Variants in PHLPP1 observed in about 807,000 individuals in gnomAD.
PHLPP1 encodes the protein PH domain and leucine rich repeat protein phosphatase 1, also known as PH domain leucine-rich repeat-containing protein phosphatase 1.
PHLPP1 carries 42 observed loss-of-function variants against 117.2 expected under a neutral mutation model. The observed-to-expected ratio is 0.36, with a 90% confidence interval of 0.28 to 0.46. The LOEUF (loss-of-function observed/expected upper bound fraction) is 0.46, where lower values mean the gene tolerates loss of function less well. Ranked by LOEUF, PHLPP1 falls within the 20% of genes least tolerant of loss-of-function variation. The pLI is 1.00. For missense variants in PHLPP1, 2,084 were observed against 2,241.9 expected (o/e 0.93, Z 1.42); for synonymous variants, 1,042 against 970.7 (o/e 1.07, Z -1.37).
At chr18:62,881,603 T>C (rs577204005) in intron 4 of PHLPP1, among the ~76,000 whole-genome samples, 1 of 152,286 alleles carries the variant, frequency 6.6e-6, no homozygotes, top group East Asian at 1.9e-4. Context: ...TCAGATAGGA[T>C]GATTTGTTTA....
chr18:62,953,997 A>G (rs1910543421), intron 12 of PHLPP1, among the ~76,000 whole-genome samples: 1 of 152,228 alleles, frequency 6.6e-6, no homozygotes, highest in Non-Finnish European at 1.5e-5. Flanking sequence ...TTTCTTTGGT[A>G]ATGTTCTGAG....
At chr18:62,803,840 C>A (rs1246574699) in intron 1 of PHLPP1, among the ~76,000 whole-genome samples, 1 of 152,144 alleles carries the variant, frequency 6.6e-6, no homozygotes, top group African/African-American at 2.4e-5. Flanking sequence ...GCTTCACATC[C>A]TTGTCAACGT....
intron 1 of PHLPP1, among the ~76,000 whole-genome samples, chr18:62,726,143 T>G (rs1717438644): frequency 2.6e-5 from 4 of 152,066 alleles, no homozygotes; most frequent in Admixed American, 2.6e-4. Context: ...CACACGCATG[T>G]TCTCCATTGA....
At chr18:62,799,462 G>A (rs1689482962) in intron 1 of PHLPP1, among the ~76,000 whole-genome samples, 1 of 152,116 alleles carries the variant, frequency 6.6e-6, no homozygotes, top group Non-Finnish European at 1.5e-5. Flanking sequence ...AGAAAATTTT[G>A]AAGCTAGAAA....
At chr18:62,916,605 G>GGGGTGT (rs1555681660) in intron 9 of PHLPP1, among the ~76,000 whole-genome samples, 2 of 145,768 alleles carry the variant, frequency 1.4e-5, no homozygotes, top group Non-Finnish European at 3.0e-5. Flanking sequence ...CAAGAGGGTG[G>GGGGTGT]GTGTGTGTGT....
intron 1 of PHLPP1, among the ~76,000 whole-genome samples, chr18:62,821,365 A>G (rs1041057513): frequency 2.6e-5 from 4 of 152,118 alleles, no homozygotes; most frequent in Non-Finnish European, 2.9e-5. Context: ...CCTGAGGAAC[A>G]TGGCGAAACC....
At chr18:62,848,455 A>ATTTTTTTT (rs56223512) in intron 3 of PHLPP1, among the ~76,000 whole-genome samples, 9 of 88,548 alleles carry the variant, frequency 1.0e-4, no homozygotes, top group Non-Finnish European at 1.4e-4. Flanking sequence ...TTTTTTGTTG[A>ATTTTTTTT]TTTTTTTTTT....
At chr18:62,853,332 C>A (rs1244949930) in intron 3 of PHLPP1, among the ~76,000 whole-genome samples, 1 of 151,482 alleles carries the variant, frequency 6.6e-6, no homozygotes, top group Non-Finnish European at 1.5e-5. Context: ...CTCAATTAGC[C>A]TTAATTTTTT....
At chr18:62,892,745 G>A (rs568924537) in intron 4 of PHLPP1, among the ~76,000 whole-genome samples, 5 of 151,542 alleles carry the variant, frequency 3.3e-5, no homozygotes, top group Admixed American at 2.6e-4. Context: ...GCATGGTGGC[G>A]GGTGCCTGTA....
chr18:62,767,060 A>T (rs945037255), intron 1 of PHLPP1, among the ~76,000 whole-genome samples: 1 of 152,234 alleles, frequency 6.6e-6, no homozygotes, highest in African/African-American at 2.4e-5. Context: ...CTTGGATTAC[A>T]AGAAATGGTG....
chr18:62,739,801 A>G (rs189473204), intron 1 of PHLPP1, among the ~76,000 whole-genome samples: 275 of 152,298 alleles, frequency 1.8e-3, no homozygotes, highest in African/African-American at 6.5e-3. Flanking sequence ...TTGGGTCTCA[A>G]TTGGCCTCAG....
rs573239106 is a variant in PHLPP1 at position 62,855,196 on chromosome 18, TGGAAAA to T, written c.1900-5232_1900-5227del. Among the ~76,000 whole-genome samples, 192 of 152,368 alleles carry T rather than the reference TGGAAAA, an allele frequency of 1.3e-3. 1 individual carries two copies. The highest frequency in any genetic ancestry group is 4.1e-3 in the African/African-American group (171 of 41,584). ...AATGTTAACTATTATTATTGTTACT[TGGAAAA>T]GGAAAACGCTAGAATAATAAAGCCT... On this transcript the variant is annotated intron_variant, in intron 3 of 16. Transcript: ENST00000262719.
At position 62,716,805 on chromosome 18, in the gene PHLPP1, G is replaced by C. The variant is rs774782660; in HGVS notation, c.1122G>C (p.Ser374=). 5 of 1,526,640 alleles carry C rather than the reference G, an allele frequency of 3.3e-6. No individual in the cohort carries two copies. The South Asian group carries it at 6.0e-5, about 18-fold the overall frequency. 94.6% of individuals were successfully genotyped at this position (1,526,640 alleles called of 1,614,324 possible). ...ACAGCAGCGGCGGCGGCTCCTCGTC[G>C]TCGTCGGAAGAGCTCGAGGCCGACG... ...DPYSSGGGSS[S]SSEELEADAA... The change falls in exon 1 of 17, where the codon TCG becomes TCC. Residue 374 remains serine (S), a synonymous_variant. Coordinates refer to ENST00000262719, the MANE Select transcript of PHLPP1 (RefSeq NM_194449.4). This position sits in a 1 kb window ranked among gnomAD's most constrained non-coding sequence, Gnocchi z 5.7.
At chr18:62,849,389 G>A (rs1258926960) in intron 3 of PHLPP1, among the ~76,000 whole-genome samples, 1 of 151,984 alleles carries the variant, frequency 6.6e-6, no homozygotes, top group Non-Finnish European at 1.5e-5. Context: ...GGCCAGACAC[G>A]GTGGCTCATG....
At chr18:62,915,830 G>A (rs1008917978) in intron 9 of PHLPP1, among the ~76,000 whole-genome samples, 2 of 152,126 alleles carry the variant, frequency 1.3e-5, no homozygotes, top group African/African-American at 2.4e-5. Flanking sequence ...TGTGACTGAG[G>A]AACTGAATTT....
rs1262862370 is a variant in PHLPP1 at position 62,913,080 on chromosome 18, C to T, written c.2709-1833C>T. Among the ~76,000 whole-genome samples, 5 of 152,160 alleles carry T rather than the reference C, an allele frequency of 3.3e-5. No individual in the cohort carries two copies. In the East Asian group the frequency reaches 7.7e-4, roughly 23 times the overall value. On this transcript the variant is annotated intron_variant, in intron 8 of 16. Coordinates refer to ENST00000262719, the MANE Select transcript of PHLPP1 (RefSeq NM_194449.4). ...GCCTCTTAAATGATAATTCATCTTC[C>T]TGTGGCCACTCTCATGCCCAGAATC...
intron 1 of PHLPP1, among the ~76,000 whole-genome samples, chr18:62,782,666 G>A (rs1015926169): frequency 1.6e-4 from 24 of 152,240 alleles, no homozygotes; most frequent in African/African-American, 4.6e-4. Context: ...AATAATATGT[G>A]ATTTTATCCT....
At chr18:62,904,059 G>C (rs2144408213) in intron 7 of PHLPP1, among the ~76,000 whole-genome samples, 1 of 152,346 alleles carries the variant, frequency 6.6e-6, no homozygotes, top group South Asian at 2.1e-4. Context: ...CAGCTCATGA[G>C]CTCTGAAAGA....
intron 13 of PHLPP1, among the ~76,000 whole-genome samples, chr18:62,960,152 C>T (rs1305858119): frequency 6.6e-6 from 1 of 151,902 alleles, no homozygotes; most frequent in Non-Finnish European, 1.5e-5. Context: ...AATAATTGCA[C>T]CAAAATTTGT....
Sources: allele counts gnomAD v4.1 joint callset (sites outside exome capture counted in the v4.1 genomes callset), GRCh38; gene constraint gnomAD v4.1.1; non-coding constraint Gnocchi (gnomAD v3.1); transcripts MANE v1.5; gene names NCBI Gene and HGNC (gene_info 2026-07-23, HGNC 2026-07-21).